TNFRSF10A: variants seen among roughly 807,000 people sequenced by gnomAD.
TNFRSF10A encodes the protein TNF receptor superfamily member 10a.
A neutral mutation model predicts 42.8 loss-of-function variants in TNFRSF10A; 44 were observed. The ratio of observed to expected loss-of-function variants is 1.03; its 90% CI spans 0.81 to 1.32. The LOEUF is 1.32. Ranked by LOEUF, TNFRSF10A falls within the 40% of genes most tolerant of loss-of-function variation. The pLI is 0.00. For synonymous variants in TNFRSF10A, 259 were observed against 234.2 expected, an observed-to-expected ratio of 1.11 and a Z score of -0.97; for missense variants, 680 against 602.0, an observed-to-expected ratio of 1.13 and a Z score of -1.36.
rs188787020 is a variant in TNFRSF10A at position 23,206,616 on chromosome 8, C to A, written c.404-3855G>T. On this transcript the variant is annotated intron_variant, in intron 2 of 9. Transcript: ENST00000221132. ...GTGGAGGTACACTCTATGATGTTTG[C>A]ACAATGATGCACTTGTCAGAATGAG... 1.8e-3 allele frequency among the ~76,000 whole-genome samples: 273 copies of A among 152,262 alleles called. 4 individuals carry two copies. The highest frequency in any genetic ancestry group is 3.5e-4 in the Non-Finnish European group (24 of 68,012).
At chr8:23,220,435 C>A (rs1801241730) in intron 1 of TNFRSF10A, among the ~76,000 whole-genome samples, 1 of 152,216 alleles carries the variant, frequency 6.6e-6, no homozygotes, top group Non-Finnish European at 1.5e-5. Context: ...TATCAAAGAG[C>A]CCAGAGATTG....
intron 2 of TNFRSF10A, among the ~76,000 whole-genome samples, chr8:23,209,359 T>C (rs1167017311): frequency 6.6e-6 from 1 of 152,224 alleles, no homozygotes; most frequent in Non-Finnish European, 1.5e-5. Context: ...CACTGCCTAG[T>C]GGAGCTGTGA....
Position 23,191,273 on chromosome 8 carries a change from C to A in TNFRSF10A, c.*421G>T, listed in dbSNP as rs929860469. Reference sequence around the variant, plus strand: ...AGGGGAGAACCAGATTTTCCTTTGGCATGTGAGCCTCAGTCGGGCAATAAT... The same window carrying A: ...AGGGGAGAACCAGATTTTCCTTTGGAATGTGAGCCTCAGTCGGGCAATAAT... On this transcript the variant is annotated 3_prime_UTR_variant, in exon 10 of 10. Coordinates refer to ENST00000221132, the MANE Select transcript of TNFRSF10A (RefSeq NM_003844.4). 5.7e-6 allele frequency: 1 copy of A among 174,842 alleles called. No individual in the cohort carries two copies. Among genetic ancestry groups the A allele is most frequent in the Admixed American group, 5.7e-5 (1 of 17,392 alleles). 10.8% of individuals were successfully genotyped at this position (174,842 alleles called of 1,614,324 possible).
In TNFRSF10A at chr8:23,202,745, T is replaced by G. The variant is rs776832652; in HGVS notation, c.420A>C (p.Glu140Asp). The G allele has an allele frequency of 4.3e-6, 7 of 1,612,922 alleles. No homozygotes were observed. The highest frequency in any genetic ancestry group is 1.7e-4 in the Middle Eastern group (1 of 6,060). The change falls in exon 3 of 10, where the codon GAA (glutamate) becomes GAC (aspartate). Residue 140 changes from glutamate to aspartate, a missense_variant. By Grantham distance (45) the Glu-to-Asp change is conservative. Coordinates refer to ENST00000221132, the MANE Select transcript of TNFRSF10A (RefSeq NM_003844.4). Reference sequence around the variant, plus strand: ...TGCACCGGTTACAGGCTCCAGGATGTTCTGATCTATGAGATCCTGGGAAGG... The same window carrying G: ...TGCACCGGTTACAGGCTCCAGGATGGTCTGATCTATGAGATCCTGGGAAGG... ...ELCPPGSHRSEHPGACNRCTE... is the reference protein window; with the variant it reads ...ELCPPGSHRSDHPGACNRCTE...
intron 2 of TNFRSF10A, among the ~76,000 whole-genome samples, chr8:23,203,665 T>C (rs947388271): frequency 1.3e-5 from 2 of 152,088 alleles, no homozygotes; most frequent in Non-Finnish European, 2.9e-5. Flanking sequence ...ACCCAAACTG[T>C]GGAAAAAAAA....
At chr8:23,195,328 G>C (rs7464896) in intron 9 of TNFRSF10A, among the ~76,000 whole-genome samples, 1 of 152,254 alleles carries the variant, frequency 6.6e-6, no homozygotes. Context: ...TTGTTTTCCA[G>C]TCTGGAGAAC....
At chr8:23,197,576 G>A (rs1186370569) in intron 8 of TNFRSF10A, among the ~76,000 whole-genome samples, 1 of 151,976 alleles carries the variant, frequency 6.6e-6, no homozygotes, top group Non-Finnish European at 1.5e-5. Flanking sequence ...CAAGCTCAGG[G>A]CTCCCACTGA....
Position 23,199,306 on chromosome 8 carries a change from C to A in TNFRSF10A, c.974G>T (p.Gly325Val). The change falls in exon 8 of 10, where the codon GGT becomes GTT. Residue 325 changes from glycine to valine, a missense_variant. Physicochemically the swap from Gly to Val is moderately radical, Grantham distance 109 (BLOSUM62 -3). Transcript: ENST00000221132. Reference sequence around the variant, plus strand: ...CTCCCCTGGGGACTGTACAGTGACACCTGTCAAATCTGCCGGCTCCTGGCT... The same window carrying A: ...CTCCCCTGGGGACTGTACAGTGACAACTGTCAAATCTGCCGGCTCCTGGCT... Reference protein sequence around the residue: ...MESQEPADLTGVTVQSPGEAQ... With the variant: ...MESQEPADLTVVTVQSPGEAQ... The A allele has an allele frequency of 1.2e-6, 2 of 1,614,194 alleles. No homozygotes were observed. The highest frequency in any genetic ancestry group is 1.7e-6 in the Non-Finnish European group (2 of 1,180,020).
intron 2 of TNFRSF10A, among the ~76,000 whole-genome samples, chr8:23,204,359 C>T (rs1003401822): frequency 1.3e-5 from 2 of 152,082 alleles, no homozygotes; most frequent in Non-Finnish European, 2.9e-5. Flanking sequence ...ATAAAGTTAA[C>T]TATATGAAAA....
At chr8:23,196,791 C>G (rs1370336818) in intron 9 of TNFRSF10A, among the ~76,000 whole-genome samples, 1 of 152,150 alleles carries the variant, frequency 6.6e-6, no homozygotes, top group African/African-American at 2.4e-5. Context: ...TGGGCTTAGG[C>G]ACAGATAAAG....
At position 23,199,422 on chromosome 8, in the gene TNFRSF10A, T is replaced by A. The variant is rs777348587; in HGVS notation, c.858A>T (p.Leu286=). 1.9e-6 allele frequency: 3 copies of A among 1,612,752 alleles called. No homozygotes were observed. Among genetic ancestry groups the A allele is most frequent in the South Asian group, 2.2e-5 (2 of 91,074 alleles). ...CATTGTCCTCAGCCCCAGGCCCTCG[T>A]AGGAGACCCAAGCGCCAGAAACACA... ...DRVCFWRLGL[L]RGPGAEDNAH... is the part of the protein sequence containing the mutation. Residue 286 remains leucine (L), a synonymous_variant, in exon 8 of 10, where the codon CTA becomes CTT. Transcript: ENST00000221132.
At chr8:23,216,900 ATAT>A (rs1801191747) in intron 1 of TNFRSF10A, among the ~76,000 whole-genome samples, 2 of 152,122 alleles carry the variant, frequency 1.3e-5, no homozygotes, top group African/African-American at 4.8e-5. Context: ...AACATATTTT[ATAT>A]TATTTTGTTT....
chr8:23,218,554 C>T (rs558241826), intron 1 of TNFRSF10A, among the ~76,000 whole-genome samples: 31 of 152,138 alleles, frequency 2.0e-4, no homozygotes, highest in African/African-American at 7.2e-4. Context: ...CTTGTAGTCT[C>T]GGGCCAGCCT....
Position 23,199,945 on chromosome 8 carries a change from G to A in TNFRSF10A, c.800-28C>T, listed in dbSNP as rs1800883876. On this transcript the variant is annotated intron_variant, in intron 6 of 9. Coordinates refer to ENST00000221132, the MANE Select transcript of TNFRSF10A (RefSeq NM_003844.4). ...AGAAGAGAAGACGGTTCCCTTAGTGGCCAGGGAGGGGCCCATGCAGCACTC... is the reference window on the plus strand; with the variant it reads ...AGAAGAGAAGACGGTTCCCTTAGTGACCAGGGAGGGGCCCATGCAGCACTC... 8 of 1,613,912 alleles carry A rather than the reference G, an allele frequency of 5.0e-6. No individual in the cohort carries two copies. The South Asian group carries it at 8.8e-5, about 18-fold the overall frequency.
intron 7 of TNFRSF10A, 73 bp downstream of exon 7, chr8:23,199,813 C>T (rs973129612): frequency 4.3e-6 from 7 of 1,609,844 alleles, no homozygotes; most frequent in Non-Finnish European, 6.0e-6. Flanking sequence ...GACCCACCCA[C>T]CTGGACTACA....
Position 23,212,194 on chromosome 8 carries a change from C to A in TNFRSF10A, c.325G>T (p.Ala109Ser). ...GATTGATCATGAAGTTTGATGGTTGCAGCTGAGCTAGGTACGACCTGTGGG... is the reference window on the plus strand; with the variant it reads ...GATTGATCATGAAGTTTGATGGTTGAAGCTGAGCTAGGTACGACCTGTGGG... ...VLLQVVPSSA[A>S]TIKLHDQSIG... Residue 109 changes from alanine (A) to serine (S), a missense_variant, in exon 2 of 10, where the codon GCA becomes TCA. Coordinates refer to ENST00000221132, the MANE Select transcript of TNFRSF10A (RefSeq NM_003844.4). 1 of 1,613,454 alleles carries A rather than the reference C, an allele frequency of 6.2e-7. No homozygotes were observed. Among genetic ancestry groups the A allele is most frequent in the South Asian group, 1.1e-5 (1 of 91,074 alleles).
intron 1 of TNFRSF10A, among the ~76,000 whole-genome samples, chr8:23,221,777 A>G (rs989506699): frequency 6.6e-6 from 1 of 152,208 alleles, no homozygotes; most frequent in African/African-American, 2.4e-5. Flanking sequence ...CACTGAAACA[A>G]AAAATACAAC....
chr8:23,216,312 T>A (rs79849731), intron 1 of TNFRSF10A, among the ~76,000 whole-genome samples: 3,712 of 152,302 alleles, frequency 0.024, 143 homozygotes, highest in African/African-American at 0.077. Flanking sequence ...TTGATTTTGA[T>A]ACCATTCTTC....
chr8:23,211,414 A>G (rs1418418759), intron 2 of TNFRSF10A, among the ~76,000 whole-genome samples: 1 of 152,214 alleles, frequency 6.6e-6, no homozygotes, highest in Non-Finnish European at 1.5e-5. Context: ...ATTTAAATAA[A>G]TCAAAAAAAC....
Sources: allele counts gnomAD v4.1 joint callset (sites outside exome capture counted in the v4.1 genomes callset), GRCh38; gene constraint gnomAD v4.1.1; transcripts MANE v1.5; gene names NCBI Gene and HGNC (gene_info 2026-07-23, HGNC 2026-07-21).